The following PTCH1 variants were observed in gnomAD, a reference collection of about 807,000 sequenced individuals.
The protein encoded by PTCH1 is patched 1, also known as protein patched homolog 1.
PTCH1 carries 14 observed loss-of-function variants against 144.6 expected under a neutral mutation model. The observed-to-expected ratio is 0.10, with a 90% CI of 0.06 to 0.15. PTCH1 has a LOEUF of 0.15. Ranked by LOEUF, PTCH1 falls within the 10% of genes least tolerant of loss-of-function variation. The probability of loss-of-function intolerance (pLI) is 1.00; values close to 1 mark genes in which losing one functional copy is unlikely to be tolerated. For synonymous variants in PTCH1, 833 were observed against 793.6 expected, an observed-to-expected ratio of 1.05 and a Z score of -0.83; for missense variants, 1,623 against 1,948.3, an observed-to-expected ratio of 0.83 and a Z score of 3.14.
chr9:95,507,917 C>T, intron 1 of PTCH1: 1 of 1,391,668 alleles, frequency 7.2e-7, no homozygotes, highest in Non-Finnish European at 9.4e-7. Flanking sequence ...CACACACACA[C>T]ACGCACACAC....
At chr9:95,504,228 G>C (rs1423461680) in intron 2 of PTCH1, among the ~76,000 whole-genome samples, 2 of 152,046 alleles carry the variant, frequency 1.3e-5, no homozygotes, top group Non-Finnish European at 2.9e-5. Flanking sequence ...AGCAAAGTGA[G>C]TGTGCCCCTC....
intron 2 of PTCH1, among the ~76,000 whole-genome samples, chr9:95,497,660 GCTCTTCCTGTCTCTCCCC>G (rs1564077457): frequency 3.3e-5 from 5 of 152,136 alleles, no homozygotes; most frequent in Non-Finnish European, 5.9e-5. Context: ...TGACAAGAGC[GCTCTTCCTGTCTCTCCCC>G]ACCCTCCATT....
chr9:95,494,393 C>A, intron 2 of PTCH1: 1 of 985,482 alleles, frequency 1.0e-6, no homozygotes, highest in Non-Finnish European at 1.2e-6. Flanking sequence ...GCCAGGAGGC[C>A]CCTTCTTCAT....
chr9:95,463,899 T>A, intron 15 of PTCH1, among the ~76,000 whole-genome samples: 1 of 152,148 alleles, frequency 6.6e-6, no homozygotes, highest in East Asian at 1.9e-4. Flanking sequence ...TACCCAAGGA[T>A]GTGTCAAAGG....
At chr9:95,513,159 G>T (rs1281087547), upstream of PTCH1, among the ~76,000 whole-genome samples, 1 of 152,206 alleles carries the variant, frequency 6.6e-6, no homozygotes, top group Admixed American at 6.5e-5. Context: ...GTGTTGGGAT[G>T]TTCCAATGGT....
At chr9:95,507,844 TG>T in intron 1 of PTCH1, 2 of 1,028,586 alleles carry the variant, frequency 1.9e-6, no homozygotes, top group Non-Finnish European at 2.5e-6. Context: ...GCCCTTGAGG[TG>T]GTCCGCCGTG....
chr9:95,488,609 T>TGTGG (rs1194907669), intron 2 of PTCH1, among the ~76,000 whole-genome samples: 1 of 15,122 alleles, frequency 6.6e-5, no homozygotes, highest in Non-Finnish European at 1.3e-4. Flanking sequence ...AGCAAGCATT[T>TGTGG]GTGGGTGGGT....
intron 2 of PTCH1, among the ~76,000 whole-genome samples, chr9:95,505,278 G>A (rs1290591073): frequency 1.3e-5 from 2 of 152,132 alleles, no homozygotes; most frequent in East Asian, 1.9e-4. Context: ...CATGCTGTCC[G>A]GAGGAATGCT....
rs56144649 is a variant in PTCH1, at chr9:95,469,343, C to A, written c.1848-190G>T. Among the ~76,000 whole-genome samples the A allele has an allele frequency of 6.6e-4, 100 of 152,238 alleles. 1 individual carries two copies. The highest frequency in any genetic ancestry group is 2.1e-3 in the African/African-American group (89 of 41,552). On this transcript the variant is annotated intron_variant, in intron 13 of 23. Transcript: ENST00000331920. ...ATCACCTGGTTCATCGCCTGGTGAA[C>A]TAGATAAAAGTCAGTCTGAGGAGGC... is the stretch of plus-strand genomic sequence containing the variant.
intron 12 of PTCH1, chr9:95,474,067 C>A: frequency 2.0e-6 from 1 of 501,554 alleles, no homozygotes; most frequent in Non-Finnish European, 4.0e-6. Context: ...GTAAGGAAAC[C>A]TCATGTAGCT....
At chr9:95,471,674 A>G (rs934905226) in intron 12 of PTCH1, among the ~76,000 whole-genome samples, 1 of 152,214 alleles carries the variant, frequency 6.6e-6, no homozygotes. Context: ...CAGGCTGCAG[A>G]GCAGCTCAGT....
chr9:95,507,410 T>C lies in PTCH1; in HGVS notation c.201+751A>G, dbSNP rs1318144432. The C allele has an allele frequency of 6.1e-6, 6 of 985,336 alleles. No homozygotes were observed. In the African/African-American group the frequency reaches 7.0e-5, roughly 11 times the overall value. The allele number at this position is 985,336 out of a possible 1,614,324, so 61.0% of individuals were successfully genotyped here. A position where few individuals can be genotyped will look rare whatever the true frequency, so the allele number is the denominator to read the frequency against. On this transcript the variant is annotated intron_variant, in intron 1 of 23. Coordinates refer to ENST00000331920, the MANE Select transcript of PTCH1 (RefSeq NM_000264.5). ...CCCCGGCGGGCCCCCGTCTGGGTGC[T>C]CGCCTTCCCTGGATTCCACACATTT...
At chr9:95,516,019 G>A (rs915300037) in intron 1 of PTCH1, among the ~76,000 whole-genome samples, 9 of 152,072 alleles carry the variant, frequency 5.9e-5, no homozygotes, top group Middle Eastern at 3.4e-3. Flanking sequence ...GTCACTCTCC[G>A]CACCAGCCCT....
In PTCH1 at chr9:95,456,423, G is replaced by A. The variant is rs2136650682; in HGVS notation, c.3169-10C>T. 1 of 1,613,464 alleles carries A rather than the reference G, an allele frequency of 6.2e-7. No individual in the cohort carries two copies. The highest frequency in any genetic ancestry group is 2.2e-5 in the East Asian group (1 of 44,862). On this transcript the variant is annotated splice_polypyrimidine_tract_variant and intron_variant, in intron 18 of 23. Coordinates refer to ENST00000331920, the MANE Select transcript of PTCH1 (RefSeq NM_000264.5). ...GCGCCAGGACCATCACCTGGAGCAGGGCACACAGTGGTCAGTGGGCGGGCA... is the reference window on the plus strand; with the variant it reads ...GCGCCAGGACCATCACCTGGAGCAGAGCACACAGTGGTCAGTGGGCGGGCA...
At chr9:95,502,743 A>G (rs1248919050) in intron 2 of PTCH1, among the ~76,000 whole-genome samples, 1 of 151,736 alleles carries the variant, frequency 6.6e-6, no homozygotes, top group Non-Finnish European at 1.5e-5. Flanking sequence ...ACACACACGG[A>G]CTCTTTCTCA....
chr9:95,508,636 C>T lies in PTCH1; in HGVS notation c.-275G>A, dbSNP rs1843949573. 3 of 989,542 alleles carry T rather than the reference C, an allele frequency of 3.0e-6. No homozygotes were observed. The highest frequency in any genetic ancestry group is 2.2e-4 in the East Asian group (2 of 9,270). The allele number at this position is 989,542 out of a possible 1,614,324, so 61.3% of individuals were successfully genotyped here. Reference sequence around the variant, plus strand: ...TTGCGCGGGGGTCCCGAGGTCTCTGCGGCCGCCGCTGCCCACATCCAGTTC... The same window carrying T: ...TTGCGCGGGGGTCCCGAGGTCTCTGTGGCCGCCGCTGCCCACATCCAGTTC... On this transcript the variant is annotated 5_prime_UTR_variant, in exon 1 of 24. Transcript: ENST00000331920.
chr9:95,475,673 G>A (rs1459394353), intron 12 of PTCH1, among the ~76,000 whole-genome samples: 2 of 152,106 alleles, frequency 1.3e-5, no homozygotes, highest in Admixed American at 6.5e-5. Context: ...TACTGGGAGT[G>A]GTGTTTGGAA....
At chr9:95,464,231 A>G (rs183651614) in intron 15 of PTCH1, among the ~76,000 whole-genome samples, 231 of 152,318 alleles carry the variant, frequency 1.5e-3, no homozygotes, top group African/African-American at 5.2e-3. Flanking sequence ...ATCACCAAAA[A>G]GCTCAAGTAA....
Position 95,508,411 on chromosome 9 carries a change from C to G in PTCH1, c.-50G>C, listed in dbSNP as rs900068510. The G allele has an allele frequency of 9.3e-7, 1 of 1,072,062 alleles. No homozygotes were observed. Among genetic ancestry groups the G allele is most frequent in the Non-Finnish European group, 1.1e-6 (1 of 888,266 alleles). The allele number at this position is 1,072,062 out of a possible 1,614,324, so 66.4% of individuals were successfully genotyped here. ...GCGGGGACGGAGGCTTCCCGGGCGG[C>G]CCGGCGCGCTGCTGCCGCTGCTGCG... On this transcript the variant is annotated 5_prime_UTR_variant, in exon 1 of 24. Coordinates refer to ENST00000331920, the MANE Select transcript of PTCH1 (RefSeq NM_000264.5).
Sources: allele counts gnomAD v4.1 joint callset (sites outside exome capture counted in the v4.1 genomes callset), GRCh38; gene constraint gnomAD v4.1.1; transcripts MANE v1.5; gene names NCBI Gene and HGNC (gene_info 2026-07-23, HGNC 2026-07-21).